Variants in BRIP1 observed in about 807,000 individuals in gnomAD.
BRIP1 encodes BRCA1 interacting DNA helicase 1.
In BRIP1, 88 loss-of-function variants were observed where a neutral mutation model predicts 119.7. The ratio of observed to expected loss-of-function variants is 0.74; its 90% confidence interval spans 0.62 to 0.88. BRIP1 has a LOEUF of 0.88. Among genes scored for constraint, BRIP1 ranks in the 40% least tolerant of loss-of-function variants. BRIP1 has a pLI of 0.00. For missense variants in BRIP1, 1,259 were observed against 1,455.4 expected (o/e 0.87, Z 2.20); for synonymous variants, 443 against 496.5 (o/e 0.89, Z 1.43).
At chr17:61,829,592 T>G (rs927687310) in intron 6 of BRIP1, among the ~76,000 whole-genome samples, 1 of 151,546 alleles carries the variant, frequency 6.6e-6, no homozygotes, top group African/African-American at 2.4e-5. Context: ...TACCCATACT[T>G]TCCAAAAACT....
rs1374848213 is a variant in BRIP1, at chr17:61,851,227, CA to C, written c.380-1972del. Among the ~76,000 whole-genome samples the C allele has an allele frequency of 1.3e-5, 2 of 150,094 alleles. No homozygotes were observed. The highest frequency in any genetic ancestry group is 4.9e-5 in the African/African-American group (2 of 40,822). ...TAGGTGACAGAACGAGACTCCATCT[CA>C]AAAAAAGAAAAAAAAAGAAATGTTG... is the stretch of plus-strand genomic sequence containing the variant. On this transcript the variant is annotated intron_variant, in intron 4 of 19. Coordinates refer to ENST00000259008, the MANE Select transcript of BRIP1 (RefSeq NM_032043.3). The surrounding 1 kb of genome is among the most constrained non-coding windows in gnomAD (Gnocchi z 4.6).
chr17:61,727,276 A>C (rs548056232), intron 16 of BRIP1, among the ~76,000 whole-genome samples: 1 of 152,202 alleles, frequency 6.6e-6, no homozygotes, highest in Non-Finnish European at 1.5e-5. Flanking sequence ...CAGTGAGAGG[A>C]GGCTCAGACT....
rs1265399357 is a variant in BRIP1, at chr17:61,822,743, A to G, written c.628-13986T>C. 1.3e-5 allele frequency among the ~76,000 whole-genome samples: 2 copies of G among 151,548 alleles called. No homozygotes were observed. The highest frequency in any genetic ancestry group is 4.9e-5 in the African/African-American group (2 of 41,146). ...CAGTGATGTGTAAATGTGTAGTGGG[A>G]TGTGAATGGGGAAAAGTTTGTGTTT... On this transcript the variant is annotated intron_variant, in intron 6 of 19. Transcript: ENST00000259008. This position sits in a 1 kb window ranked among gnomAD's most constrained non-coding sequence, Gnocchi z 4.4.
In BRIP1 at chr17:61,686,251, G is replaced by T; in HGVS notation, c.2576-86C>A. 3 of 1,230,388 alleles carry T rather than the reference G, an allele frequency of 2.4e-6. No homozygotes were observed. The highest frequency in any genetic ancestry group is 3.6e-6 in the Non-Finnish European group (3 of 839,968). 76.2% of individuals were successfully genotyped at this position (1,230,388 alleles called of 1,614,324 possible). A position where few individuals can be genotyped will look rare whatever the true frequency, so the allele number is the denominator to read the frequency against. ...TAAGGTAATACACTTGCTTTTTCTA[G>T]TGAAGTAACCTAATTTGTATTTTGA... On this transcript the variant is annotated intron_variant, in intron 18 of 19. Transcript: ENST00000259008. The surrounding 1 kb of genome is among the most constrained non-coding windows in gnomAD (Gnocchi z 5.4).
At position 61,828,757 on chromosome 17, in the gene BRIP1, A is replaced by G. The variant is rs1396726611; in HGVS notation, c.627+18344T>C. On this transcript the variant is annotated intron_variant, in intron 6 of 19. Coordinates refer to ENST00000259008, the MANE Select transcript of BRIP1 (RefSeq NM_032043.3). The surrounding 1 kb of genome is among the most constrained non-coding windows in gnomAD (Gnocchi z 4.1). The stretch of plus-strand genomic sequence containing the variant: ...TCATTTGTAAATTTGTACATAGCTG[A>G]TGATTTAAACTAAAAATAACAAAAC... Among the ~76,000 whole-genome samples the G allele has an allele frequency of 6.6e-6, 1 of 152,240 alleles. No individual in the cohort carries two copies. Among genetic ancestry groups the G allele is most frequent in the Non-Finnish European group, 1.5e-5 (1 of 68,030 alleles).
Position 61,681,890 on chromosome 17 carries a change from T to G in BRIP1, c.*1406A>C. 1 of 198,806 alleles carries G rather than the reference T, an allele frequency of 5.0e-6. No individual in the cohort carries two copies. Among genetic ancestry groups the G allele is most frequent in the Non-Finnish European group, 1.0e-5 (1 of 96,256 alleles). 12.3% of individuals were successfully genotyped at this position (198,806 alleles called of 1,614,324 possible). A position where few individuals can be genotyped will look rare whatever the true frequency, so the allele number is the denominator to read the frequency against. On this transcript the variant is annotated 3_prime_UTR_variant, in exon 20 of 20. Transcript: ENST00000259008. This position sits in a 1 kb window ranked among gnomAD's most constrained non-coding sequence, Gnocchi z 5.1. ...TAAATCCTTACTGGAAATTTTGACTTGAAAATAATAGACCATACAGAATTC... is the reference window on the plus strand; with the variant it reads ...TAAATCCTTACTGGAAATTTTGACTGGAAAATAATAGACCATACAGAATTC...
Position 61,690,978 on chromosome 17 carries a change from G to A in BRIP1, c.2575+2452C>T, listed in dbSNP as rs749516231. Among the ~76,000 whole-genome samples, 36 of 150,894 alleles carry A rather than the reference G, an allele frequency of 2.4e-4. No homozygotes were observed. Among genetic ancestry groups the A allele is most frequent in the Non-Finnish European group, 4.1e-4 (28 of 67,878 alleles). On this transcript the variant is annotated intron_variant, in intron 18 of 19. Transcript: ENST00000259008. The surrounding 1 kb of genome is among the most constrained non-coding windows in gnomAD (Gnocchi z 5.6). ...AAACCATCATTCTCAGCACACTACC[G>A]CAAGGACAGAAAACCAAACATGGCA...
At chr17:61,712,010 G>C (rs1014562011) in intron 17 of BRIP1, among the ~76,000 whole-genome samples, 1 of 151,924 alleles carries the variant, frequency 6.6e-6, no homozygotes, top group Non-Finnish European at 1.5e-5. Context: ...TTATGTATTT[G>C]TATATATATA....
rs2077031766 is a variant in BRIP1 at position 61,744,505 on chromosome 17, C to A, written c.2184G>T (p.Gln728His). 1 of 1,613,834 alleles carries A rather than the reference C, an allele frequency of 6.2e-7. No individual in the cohort carries two copies. The highest frequency in any genetic ancestry group is 8.5e-7 in the Non-Finnish European group (1 of 1,179,814). Reference protein sequence around the residue: ...ELVKTVIVEPQGGEKTNFDEL... With the variant: ...ELVKTVIVEPHGGEKTNFDEL... ...CATCAAAATTTGTTTTTTCTCCTCCCTGTGGTTCTACAATGACTGTCTTCA... is the reference window on the plus strand; with the variant it reads ...CATCAAAATTTGTTTTTTCTCCTCCATGTGGTTCTACAATGACTGTCTTCA... The change falls in exon 15 of 20, where the codon CAG (glutamine) becomes CAT (histidine). Residue 728 changes from glutamine (Q) to histidine (H), a missense_variant. Physicochemically the swap from Gln to His is conservative, Grantham distance 24. Coordinates refer to ENST00000259008, the MANE Select transcript of BRIP1 (RefSeq NM_032043.3). This position sits in a 1 kb window ranked among gnomAD's most constrained non-coding sequence, Gnocchi z 5.0.
At chr17:61,821,674 C>T (rs539283714) in intron 6 of BRIP1, among the ~76,000 whole-genome samples, 6 of 152,136 alleles carry the variant, frequency 3.9e-5, no homozygotes, top group Admixed American at 3.3e-4. Context: ...GGACTATAGG[C>T]ACATGCTACC....
rs1477428416 is a variant in BRIP1 at position 61,845,774 on chromosome 17, T to A, written c.627+1327A>T. Among the ~76,000 whole-genome samples the A allele has an allele frequency of 6.6e-6, 1 of 152,230 alleles. No homozygotes were observed. Among genetic ancestry groups the A allele is most frequent in the East Asian group, 1.9e-4 (1 of 5,206 alleles). On this transcript the variant is annotated intron_variant, in intron 6 of 19. Transcript: ENST00000259008. This position sits in a 1 kb window ranked among gnomAD's most constrained non-coding sequence, Gnocchi z 4.2. ...TGCTTCTGTATGCAAAAGTGTTTTA[T>A]GAGTTCTATTCATTTCTTCAGACAG...
In BRIP1 at chr17:61,713,977, TA is replaced by T. The variant is rs200696609; in HGVS notation, c.2492+1973del. Among the ~76,000 whole-genome samples the T allele has an allele frequency of 8.0e-5, 12 of 150,302 alleles. No homozygotes were observed. The highest frequency in any genetic ancestry group is 4.2e-4 in the South Asian group (2 of 4,768). On this transcript the variant is annotated intron_variant, in intron 17 of 19. Coordinates refer to ENST00000259008, the MANE Select transcript of BRIP1 (RefSeq NM_032043.3). This position sits in a 1 kb window ranked among gnomAD's most constrained non-coding sequence, Gnocchi z 4.9. ...AAGTGTTGTAAAAGAGTCAAAAAGG[TA>T]AAAAAAAAGATAAAAAGATAAAAAG...
intron 11 of BRIP1, among the ~76,000 whole-genome samples, chr17:61,783,534 A>AAAATGGTT (rs1171700499): frequency 6.6e-6 from 1 of 152,108 alleles, no homozygotes; most frequent in Non-Finnish European, 1.5e-5. Flanking sequence ...TTGTATACGT[A>AAAATGGTT]AAATGGTTAA....
chr17:61,740,027 A>G lies in BRIP1; in HGVS notation c.2379+2986T>C, dbSNP rs141717617. Among the ~76,000 whole-genome samples, 145 of 152,328 alleles carry G rather than the reference A, an allele frequency of 9.5e-4. 3 individuals carry two copies. Among genetic ancestry groups the G allele is most frequent in the African/African-American group, 3.2e-3 (133 of 41,592 alleles). ...AATGGAGCAATTGTTTTCAGGTAGT[A>G]GACACCAAACAGCACAAGACAGTAA... is the stretch of plus-strand genomic sequence containing the variant. On this transcript the variant is annotated intron_variant, in intron 16 of 19. Coordinates refer to ENST00000259008, the MANE Select transcript of BRIP1 (RefSeq NM_032043.3). This position sits in a 1 kb window ranked among gnomAD's most constrained non-coding sequence, Gnocchi z 5.4.
In BRIP1 at chr17:61,857,050, T is replaced by C. The variant is rs1057520254; in HGVS notation, c.379+8A>G. ...GATATCAACTGACCCAGGCAAAATA[T>C]AAATTACCTTGACAAGTTGATGAAG... On this transcript the variant is annotated splice_region_variant and intron_variant, in intron 4 of 19. Transcript: ENST00000259008. The surrounding 1 kb of genome is among the most constrained non-coding windows in gnomAD (Gnocchi z 5.1). 3 of 1,613,278 alleles carry C rather than the reference T, an allele frequency of 1.9e-6. No individual in the cohort carries two copies. Among genetic ancestry groups the C allele is most frequent in the South Asian group, 1.1e-5 (1 of 91,074 alleles).
intron 6 of BRIP1, among the ~76,000 whole-genome samples, chr17:61,836,265 C>T (rs1359385361): frequency 6.6e-6 from 1 of 151,830 alleles, no homozygotes; most frequent in East Asian, 1.9e-4. Flanking sequence ...CATGAGCCAC[C>T]ACACCAAGCT....
chr17:61,710,756 C>T lies in BRIP1; in HGVS notation c.2492+5195G>A, dbSNP rs368645307. Among the ~76,000 whole-genome samples the T allele has an allele frequency of 4.6e-5, 7 of 152,046 alleles. No homozygotes were observed. The South Asian group carries it at 8.3e-4, about 18-fold the overall frequency. On this transcript the variant is annotated intron_variant, in intron 17 of 19. Transcript: ENST00000259008. This position sits in a 1 kb window ranked among gnomAD's most constrained non-coding sequence, Gnocchi z 5.4. ...AAGGGCCATTTAGTAGCCATGTGGC[C>T]TTAGAAAAATAATTTAATTTCTCAC... is the stretch of plus-strand genomic sequence containing the variant.
At chr17:61,812,918 A>G (rs949435383) in intron 6 of BRIP1, among the ~76,000 whole-genome samples, 7 of 152,164 alleles carry the variant, frequency 4.6e-5, no homozygotes, top group African/African-American at 1.7e-4. Flanking sequence ...AAACGGTAAC[A>G]TACCACAATG....
rs751707327 is a variant in BRIP1 at position 61,757,532 on chromosome 17, T to C, written c.2098-12941A>G. ...CTGAGGACTCTGAAAATGTCAGAGC[T>C]GCACTACTAGTGCAGTAATGCACTA... On this transcript the variant is annotated intron_variant, in intron 14 of 19. Coordinates refer to ENST00000259008, the MANE Select transcript of BRIP1 (RefSeq NM_032043.3). The surrounding 1 kb of genome is among the most constrained non-coding windows in gnomAD (Gnocchi z 4.3). Among the ~76,000 whole-genome samples the C allele has an allele frequency of 6.6e-6, 1 of 152,214 alleles. No individual in the cohort carries two copies. Among genetic ancestry groups the C allele is most frequent in the Non-Finnish European group, 1.5e-5 (1 of 68,038 alleles).
Sources: allele counts gnomAD v4.1 joint callset (sites outside exome capture counted in the v4.1 genomes callset), GRCh38; gene constraint gnomAD v4.1.1; non-coding constraint Gnocchi (gnomAD v3.1); transcripts MANE v1.5; gene names NCBI Gene and HGNC (gene_info 2026-07-23, HGNC 2026-07-21).